POU6F2: variants seen among roughly 807,000 people sequenced by gnomAD.
POU6F2 encodes POU domain, class 6, transcription factor 2.
In POU6F2, 31 loss-of-function variants were observed where a neutral mutation model predicts 71.3. That is an observed-to-expected ratio of 0.43 (90% confidence interval 0.33 to 0.59). The LOEUF is 0.59. Among genes scored for constraint, POU6F2 ranks in the 20% least tolerant of loss-of-function variants. The pLI is 0.04. For synonymous variants in POU6F2, 347 were observed against 355.7 expected, an observed-to-expected ratio of 0.98 and a Z score of 0.27; for missense variants, 783 against 856.8, an observed-to-expected ratio of 0.91 and a Z score of 1.07.
chr7:39,076,846 G>A (rs368606906), intron 1 of POU6F2, among the ~76,000 whole-genome samples: 1 of 146,388 alleles, frequency 6.8e-6, no homozygotes, highest in Admixed American at 7.0e-5. Context: ...TCTCACTTTT[G>A]CAAAAGGTTG....
chr7:39,429,747 G>A (rs1006271741), intron 6 of POU6F2, among the ~76,000 whole-genome samples: 1 of 152,204 alleles, frequency 6.6e-6, no homozygotes, highest in Non-Finnish European at 1.5e-5. Flanking sequence ...GCTTCTGGGA[G>A]CTGGGAAGTC....
intron 5 of POU6F2, among the ~76,000 whole-genome samples, chr7:39,367,337 A>G (rs2115737267): frequency 6.6e-6 from 1 of 152,314 alleles, no homozygotes; most frequent in East Asian, 1.9e-4. Context: ...AAATAAACAC[A>G]ATTTTAAAAT....
At chr7:39,012,620 T>A (rs1584497533) in intron 1 of POU6F2, among the ~76,000 whole-genome samples, 1 of 152,118 alleles carries the variant, frequency 6.6e-6, no homozygotes, top group Non-Finnish European at 1.5e-5. Context: ...GAGTTTCCAG[T>A]TTTTCTGTTC....
At chr7:39,082,785 C>T (rs1292374931) in intron 1 of POU6F2, among the ~76,000 whole-genome samples, 1 of 139,764 alleles carries the variant, frequency 7.2e-6, no homozygotes, top group Non-Finnish European at 1.5e-5. Context: ...TGCTGTTTAA[C>T]CATGTCATGC....
In POU6F2 at chr7:38,997,210, T is replaced by G. The variant is rs1009003961; in HGVS notation, c.105+19152T>G. 7.4e-4 allele frequency among the ~76,000 whole-genome samples: 112 copies of G among 152,366 alleles called. 1 individual carries two copies. The highest frequency in any genetic ancestry group is 2.6e-3 in the African/African-American group (108 of 41,592). On this transcript the variant is annotated intron_variant, in intron 1 of 9. Transcript: ENST00000518318. ...CTGGATAATTTCCTTTAGACATGGCTTGGAATGCATTCTTCCCTATTCTGA... is the reference window on the plus strand; with the variant it reads ...CTGGATAATTTCCTTTAGACATGGCGTGGAATGCATTCTTCCCTATTCTGA...
intron 4 of POU6F2, among the ~76,000 whole-genome samples, chr7:39,303,000 A>G (rs1455452352): frequency 1.3e-5 from 2 of 152,328 alleles, no homozygotes; most frequent in East Asian, 1.9e-4. Flanking sequence ...GAAAATTTAC[A>G]TTTCTACTAA....
intron 2 of POU6F2, among the ~76,000 whole-genome samples, chr7:39,094,473 C>T (rs1791416172): frequency 6.6e-6 from 1 of 152,052 alleles, no homozygotes; most frequent in African/African-American, 2.4e-5. Context: ...TTTTGTTACA[C>T]ATTCCTGTAA....
At chr7:39,271,839 A>T (rs959198730) in intron 4 of POU6F2, among the ~76,000 whole-genome samples, 2 of 98,422 alleles carry the variant, frequency 2.0e-5, no homozygotes, top group African/African-American at 1.0e-4. Flanking sequence ...TTTAAACTAT[A>T]AAAAAAAAAT....
At chr7:39,212,617 A>G (rs1188929259) in intron 4 of POU6F2, among the ~76,000 whole-genome samples, 1 of 152,078 alleles carries the variant, frequency 6.6e-6, no homozygotes, top group Non-Finnish European at 1.5e-5. Context: ...TCCCATGTTT[A>G]TTGGGCTTTG....
At chr7:39,005,245 C>G (rs972631714) in intron 1 of POU6F2, 1 of 150,130 alleles carries the variant, frequency 6.7e-6, no homozygotes, top group Non-Finnish European at 1.5e-5. Flanking sequence ...TGCTTTAGAT[C>G]TAAGTGATTC....
intron 1 of POU6F2, among the ~76,000 whole-genome samples, chr7:39,015,830 GATATATA>G (rs1207959680): frequency 4.6e-5 from 3 of 64,540 alleles, no homozygotes; most frequent in Non-Finnish European, 8.3e-5. Flanking sequence ...ATTATATATA[GATATATA>G]ATATATTATA....
chr7:39,109,776 A>G (rs1369026262), intron 2 of POU6F2, among the ~76,000 whole-genome samples: 2 of 152,212 alleles, frequency 1.3e-5, no homozygotes, highest in East Asian at 3.8e-4. Flanking sequence ...ATTTAGAGTG[A>G]TATTTCTGAT....
At chr7:39,310,461 C>A (rs537474063) in intron 4 of POU6F2, among the ~76,000 whole-genome samples, 1 of 152,222 alleles carries the variant, frequency 6.6e-6, no homozygotes, top group South Asian at 2.1e-4. Context: ...TAATAAAAGA[C>A]CCTCATTTTC....
At chr7:39,280,707 A>C (rs1021538041) in intron 4 of POU6F2, among the ~76,000 whole-genome samples, 1 of 152,246 alleles carries the variant, frequency 6.6e-6, no homozygotes, top group African/African-American at 2.4e-5. Context: ...TGGAGGAAGA[A>C]AACTAATGCA....
At chr7:39,048,734 A>G (rs993218520) in intron 1 of POU6F2, among the ~76,000 whole-genome samples, 1 of 151,912 alleles carries the variant, frequency 6.6e-6, no homozygotes, top group Non-Finnish European at 1.5e-5. Context: ...TGGTAGTTCT[A>G]AGTTCTTTGG....
intron 3 of POU6F2, among the ~76,000 whole-genome samples, chr7:39,206,029 G>A (rs1794005016): frequency 6.6e-6 from 1 of 152,232 alleles, no homozygotes; most frequent in African/African-American, 2.4e-5. Flanking sequence ...ACTTGGGCAA[G>A]TTACTAACCT....
chr7:39,030,335 G>A (rs1562677529), intron 1 of POU6F2, among the ~76,000 whole-genome samples: 1 of 150,554 alleles, frequency 6.6e-6, no homozygotes, highest in Non-Finnish European at 1.5e-5. Context: ...TATCTTTTCA[G>A]TATCTGTTAT....
At position 39,236,269 on chromosome 7, in the gene POU6F2, C is replaced by T. The variant is rs574305104; in HGVS notation, c.598+28649C>T. Among the ~76,000 whole-genome samples, 16 of 152,232 alleles carry T rather than the reference C, an allele frequency of 1.1e-4. No homozygotes were observed. The South Asian group carries it at 1.9e-3, about 18-fold the overall frequency. ...ATTAATGGATGCATTCAAGGTTAAACACAGTGATGAGTACTCTGAGAATAT... is the reference window on the plus strand; with the variant it reads ...ATTAATGGATGCATTCAAGGTTAAATACAGTGATGAGTACTCTGAGAATAT... On this transcript the variant is annotated intron_variant, in intron 4 of 9. Transcript: ENST00000518318.
intron 4 of POU6F2, among the ~76,000 whole-genome samples, chr7:39,301,893 T>C (rs1165369480): frequency 6.6e-6 from 1 of 152,114 alleles, no homozygotes; most frequent in African/African-American, 2.4e-5. Flanking sequence ...ATCCACATAA[T>C]GGTAGTAATT....
Sources: allele counts gnomAD v4.1 joint callset (sites outside exome capture counted in the v4.1 genomes callset), GRCh38; gene constraint gnomAD v4.1.1; transcripts MANE v1.5; gene names NCBI Gene and HGNC (gene_info 2026-07-23, HGNC 2026-07-21).